The following PLCG2 variants were observed in gnomAD, a reference collection of about 807,000 sequenced individuals.
PLCG2 encodes the protein 1-phosphatidylinositol 4,5-bisphosphate phosphodiesterase gamma-2.
A neutral mutation model predicts 175.6 loss-of-function variants in PLCG2; 69 were observed. The observed-to-expected ratio is 0.39, with a 90% CI of 0.32 to 0.48. The LOEUF (loss-of-function observed/expected upper bound fraction) is 0.48, where lower values mean the gene tolerates loss of function less well. Among genes scored for constraint, PLCG2 ranks in the 20% least tolerant of loss-of-function variants. PLCG2 has a pLI of 0.91. For synonymous variants in PLCG2, 827 were observed against 624.0 expected (o/e 1.33, Z -4.85); for missense variants, 1,798 against 1,650.9 (o/e 1.09, Z -1.54).
intron 2 of PLCG2, among the ~76,000 whole-genome samples, chr16:81,814,951 C>T (rs1400143462): frequency 6.6e-6 from 1 of 152,220 alleles, no homozygotes; most frequent in Non-Finnish European, 1.5e-5. Context: ...GCTGACTAAA[C>T]GTCAGCTGCT....
chr16:81,906,769 A>G (rs77201374), intron 15 of PLCG2, among the ~76,000 whole-genome samples: 3,920 of 152,288 alleles, frequency 0.026, 150 homozygotes, highest in African/African-American at 0.084. Flanking sequence ...GCCAGGCGCG[A>G]TGGCTCATGC....
intron 19 of PLCG2, among the ~76,000 whole-genome samples, chr16:81,912,983 C>T (rs755336968): frequency 5.9e-5 from 9 of 152,188 alleles, no homozygotes; most frequent in East Asian, 1.9e-4. Flanking sequence ...GACCATGATC[C>T]GTGTTTCTCA....
intron 31 of PLCG2, among the ~76,000 whole-genome samples, chr16:81,953,466 G>C (rs1051559397): frequency 1.3e-5 from 2 of 151,992 alleles, no homozygotes; most frequent in African/African-American, 4.8e-5. Context: ...TATTGGTGGG[G>C]GAAAAACTTT....
At chr16:81,873,287 C>T (rs1336355115) in intron 7 of PLCG2, among the ~76,000 whole-genome samples, 1 of 152,098 alleles carries the variant, frequency 6.6e-6, no homozygotes, top group African/African-American at 2.4e-5. Context: ...CTCTTTAATC[C>T]CCTCTCCTTT....
chr16:81,852,275 G>T (rs567223003), intron 2 of PLCG2: 1 of 152,362 alleles, frequency 6.6e-6, no homozygotes, highest in East Asian at 1.9e-4. Context: ...GGATGCTGAT[G>T]GTGCAGCTGG....
chr16:81,836,326 C>T (rs748804435), intron 2 of PLCG2, among the ~76,000 whole-genome samples: 5 of 152,214 alleles, frequency 3.3e-5, no homozygotes, highest in Non-Finnish European at 7.3e-5. Context: ...CTGTATTGGC[C>T]CACGTGTCAG....
At chr16:81,824,125 C>G (rs1469065435) in intron 2 of PLCG2, among the ~76,000 whole-genome samples, 1 of 143,652 alleles carries the variant, frequency 7.0e-6, no homozygotes, top group Non-Finnish European at 1.5e-5. Flanking sequence ...CCCTCCCTCC[C>G]TCCCTCTCTT....
intron 17 of PLCG2, 135 bp from the exon 18 acceptor site, chr16:81,910,385 C>T: frequency 9.1e-6 from 7 of 769,962 alleles, no homozygotes; most frequent in Non-Finnish European, 1.5e-5. Context: ...GCCACTGCGC[C>T]CAGCCTCCTG....
intron 2 of PLCG2, among the ~76,000 whole-genome samples, chr16:81,770,432 G>A (rs753001127): frequency 1.3e-5 from 2 of 152,294 alleles, no homozygotes; most frequent in South Asian, 2.1e-4. Context: ...TAATTTTTTG[G>A]CCTGGTGTGG....
chr16:81,822,286 G>T (rs930171851), intron 2 of PLCG2, among the ~76,000 whole-genome samples: 1 of 152,150 alleles, frequency 6.6e-6, no homozygotes, highest in Non-Finnish European at 1.5e-5. Flanking sequence ...GTCGGCATAG[G>T]TGGTAAGCAT....
chr16:81,859,217 T>C lies in PLCG2; in HGVS notation c.479+54T>C. On this transcript the variant is annotated intron_variant, in intron 5 of 32. Transcript: ENST00000564138. ...ACTTTGGATTTCGATCCTCATTCTA[T>C]CTTTAAACCTTCCAAGGGGGTGGGA... 2.6e-6 allele frequency: 3 copies of C among 1,159,770 alleles called. 1 individual carries two copies. The South Asian group carries it at 3.7e-5, about 14-fold the overall frequency. The allele number at this position is 1,159,770 out of a possible 1,614,324, so 71.8% of individuals were successfully genotyped here.
intron 2 of PLCG2, among the ~76,000 whole-genome samples, chr16:81,768,382 ACATATGTTTT>A (rs1417270414): frequency 1.3e-5 from 2 of 152,120 alleles, no homozygotes; most frequent in Non-Finnish European, 2.9e-5. Context: ...TTTTCTGTGG[ACATATGTTTT>A]CATATCTCTT....
rs188318098 is a variant in PLCG2, at chr16:81,797,144, C to G, written c.193+10962C>G. On this transcript the variant is annotated intron_variant, in intron 2 of 32. Coordinates refer to ENST00000564138, the MANE Select transcript of PLCG2 (RefSeq NM_002661.5). ...GTAAACGAGGGAGGCAGCATTTGTC[C>G]CTCAAAATAGCACCAAGTTCTGGGA... Among the ~76,000 whole-genome samples, 13 of 152,180 alleles carry G rather than the reference C, an allele frequency of 8.5e-5. No homozygotes were observed. The East Asian group carries it at 2.5e-3, about 29-fold the overall frequency.
upstream of PLCG2, among the ~76,000 whole-genome samples, chr16:81,774,619 G>A (rs955744530): frequency 6.6e-6 from 1 of 152,126 alleles, no homozygotes; most frequent in Non-Finnish European, 1.5e-5. Context: ...GGCTGTGGGG[G>A]TAGAGGGGTA....
chr16:81,929,363 A>G (rs1333602882), intron 24 of PLCG2, among the ~76,000 whole-genome samples: 2 of 152,118 alleles, frequency 1.3e-5, no homozygotes, highest in African/African-American at 2.4e-5. Flanking sequence ...TCCTGCTTCT[A>G]TTGCCAATGC....
At chr16:81,843,492 C>T (rs866103983) in intron 2 of PLCG2, among the ~76,000 whole-genome samples, 18 of 152,142 alleles carry the variant, frequency 1.2e-4, no homozygotes, top group Non-Finnish European at 1.8e-4. Context: ...GATTGAAACA[C>T]CCCAGCCAAT....
chr16:81,848,715 C>T (rs944889432), intron 2 of PLCG2, among the ~76,000 whole-genome samples: 7 of 152,138 alleles, frequency 4.6e-5, no homozygotes, highest in South Asian at 4.1e-4. Context: ...TATTGGGCCC[C>T]GCTGTGTGCC....
chr16:81,805,178 C>T (rs1036635719), intron 2 of PLCG2, among the ~76,000 whole-genome samples: 7 of 152,010 alleles, frequency 4.6e-5, no homozygotes, highest in East Asian at 3.9e-4. Context: ...ATAAAGGACC[C>T]ATATCCAAAA....
Position 81,936,592 on chromosome 16 carries a change from C to T in PLCG2, c.3052+214C>T, listed in dbSNP as rs182831307. On this transcript the variant is annotated intron_variant, in intron 27 of 32. Transcript: ENST00000564138. ...AAGGCTGCTTGGCTTACGCAGGCTTCGTGATTGTAAGTAAGTGACAGAGGC... is the reference window on the plus strand; with the variant it reads ...AAGGCTGCTTGGCTTACGCAGGCTTTGTGATTGTAAGTAAGTGACAGAGGC... Among the ~76,000 whole-genome samples the T allele has an allele frequency of 4.8e-3, 723 of 152,144 alleles. 7 individuals carry two copies. Among genetic ancestry groups the T allele is most frequent in the African/African-American group, 0.017 (688 of 41,456 alleles).
Sources: gnomAD v4.1 joint callset for allele counts (sites outside exome capture counted in the v4.1 genomes callset) on GRCh38, gnomAD v4.1.1 for gene constraint, MANE v1.5 for transcripts, NCBI Gene and HGNC (gene_info 2026-07-23, HGNC 2026-07-21) for gene names.